The following SYN2 variants were observed in gnomAD, a reference collection of about 807,000 sequenced individuals.
The protein encoded by SYN2 is synapsin II.
A neutral mutation model predicts 50.9 loss-of-function variants in SYN2; 19 were observed. The ratio of observed to expected loss-of-function variants is 0.37; its 90% confidence interval spans 0.26 to 0.55. SYN2 has a LOEUF of 0.55. Ranked by LOEUF, SYN2 falls within the 20% of genes least tolerant of loss-of-function variation. The pLI, the probability that SYN2 is intolerant of heterozygous loss-of-function variation, is 0.81. For missense variants in SYN2, 587 were observed against 576.4 expected (o/e 1.02, Z -0.19); for synonymous variants, 255 against 224.9 (o/e 1.13, Z -1.20).
In SYN2 at chr3:12,183,544, GT is replaced by G; in HGVS notation, c.1369+174del. 2.0e-6 allele frequency: 3 copies of G among 1,532,712 alleles called. No homozygotes were observed. In the Middle Eastern group the frequency reaches 5.4e-4, roughly 278 times the overall value. The allele number at this position is 1,532,712 out of a possible 1,614,324, so 94.9% of individuals were successfully genotyped here. ...ACCCTCCCACTGGTGCCGTTGCTGC[GT>G]TCTTTCAATGCTGACTGGACTGTGT... On this transcript the variant is annotated intron_variant, in intron 11 of 12. Coordinates refer to ENST00000621198, the MANE Select transcript of SYN2 (RefSeq NM_133625.6).
intron 12 of SYN2, among the ~76,000 whole-genome samples, chr3:12,188,725 G>A (rs1296880181): frequency 6.6e-6 from 1 of 152,178 alleles, no homozygotes; most frequent in African/African-American, 2.4e-5. Flanking sequence ...CCCGTGTGAT[G>A]GGAGGGGCAT....
At chr3:12,173,812 G>A (rs1574885698) in intron 10 of SYN2, among the ~76,000 whole-genome samples, 1 of 152,180 alleles carries the variant, frequency 6.6e-6, no homozygotes, top group Admixed American at 6.5e-5. Context: ...TACTTGGGAG[G>A]CCGAGGCAGG....
chr3:12,178,091 C>A (rs529340678), intron 10 of SYN2, among the ~76,000 whole-genome samples: 12 of 152,334 alleles, frequency 7.9e-5, no homozygotes, highest in Admixed American at 4.6e-4. Context: ...CCTACAACCT[C>A]CTGACCACAT....
At chr3:12,182,887 G>A (rs1188514868) in intron 10 of SYN2, among the ~76,000 whole-genome samples, 3 of 152,212 alleles carry the variant, frequency 2.0e-5, no homozygotes, top group Non-Finnish European at 4.4e-5. Flanking sequence ...GTCCAACCCT[G>A]TCTCTGGGGT....
intron 1 of SYN2, among the ~76,000 whole-genome samples, chr3:12,114,906 A>G (rs967893560): frequency 6.6e-6 from 1 of 152,130 alleles, no homozygotes; most frequent in Non-Finnish European, 1.5e-5. Flanking sequence ...TCTATTAACC[A>G]CAACTCCTCT....
At chr3:12,093,163 G>A (rs1434680174) in intron 1 of SYN2, among the ~76,000 whole-genome samples, 1 of 152,152 alleles carries the variant, frequency 6.6e-6, no homozygotes, top group Non-Finnish European at 1.5e-5. Flanking sequence ...CTGAATGGGG[G>A]AGCAAATTAT....
Position 12,109,967 on chromosome 3 carries a change from C to T in SYN2, c.378-30684C>T, listed in dbSNP as rs1308197696. Among the ~76,000 whole-genome samples, 12 of 152,234 alleles carry T rather than the reference C, an allele frequency of 7.9e-5. No individual in the cohort carries two copies. The East Asian group carries it at 1.2e-3, about 15-fold the overall frequency. Reference sequence around the variant, plus strand: ...CTCTCCAAGGCCAAGATGGGAGGATCGCTTGAGCCTGGGAGTTTGAGACCA... The same window carrying T: ...CTCTCCAAGGCCAAGATGGGAGGATTGCTTGAGCCTGGGAGTTTGAGACCA... On this transcript the variant is annotated intron_variant, in intron 1 of 12. Transcript: ENST00000621198.
At chr3:12,023,213 AT>A in intron 1 of SYN2, among the ~76,000 whole-genome samples, 1 of 151,976 alleles carries the variant, frequency 6.6e-6, no homozygotes, top group Non-Finnish European at 1.5e-5. Flanking sequence ...AAAAAAAAAA[AT>A]CATTGTCATC....
At chr3:12,062,179 C>G (rs185658180) in intron 1 of SYN2, among the ~76,000 whole-genome samples, 2 of 152,042 alleles carry the variant, frequency 1.3e-5, no homozygotes, top group East Asian at 3.9e-4. Flanking sequence ...AACAATAGAT[C>G]TATTTCAATC....
At chr3:12,171,635 G>T (rs929982278) in intron 10 of SYN2, among the ~76,000 whole-genome samples, 1 of 152,170 alleles carries the variant, frequency 6.6e-6, no homozygotes, top group Admixed American at 6.5e-5. Context: ...TAAAGTAAAG[G>T]CCGTGCTAAG....
intron 1 of SYN2, among the ~76,000 whole-genome samples, chr3:12,098,845 A>G (rs1696003080): frequency 1.9e-5 from 2 of 104,620 alleles, no homozygotes; most frequent in South Asian, 7.3e-4. Flanking sequence ...CAAATAGGTT[A>G]AAAGCAAAAG....
rs185559226 is a variant in SYN2 at position 12,155,551 on chromosome 3, T to G, written c.774+4225T>G. Among the ~76,000 whole-genome samples, 373 of 152,244 alleles carry G rather than the reference T, an allele frequency of 2.5e-3. 1 individual carries two copies. Among genetic ancestry groups the G allele is most frequent in the Non-Finnish European group, 3.8e-3 (260 of 68,018 alleles). On this transcript the variant is annotated intron_variant, in intron 5 of 12. Coordinates refer to ENST00000621198, the MANE Select transcript of SYN2 (RefSeq NM_133625.6). ...GCAACCACAGGTAGCTGAGTTCAGTTCTTGGGAAAGTGAGGGGCTGGGAAC... is the reference window on the plus strand; with the variant it reads ...GCAACCACAGGTAGCTGAGTTCAGTGCTTGGGAAAGTGAGGGGCTGGGAAC...
intron 1 of SYN2, among the ~76,000 whole-genome samples, chr3:12,119,724 T>TG (rs1696510823): frequency 6.6e-6 from 1 of 152,196 alleles, no homozygotes; most frequent in Non-Finnish European, 1.5e-5. Context: ...AGGAAAGCTT[T>TG]TGGGATCTAT....
At chr3:12,136,341 A>G (rs1273256222) in intron 1 of SYN2, among the ~76,000 whole-genome samples, 1 of 152,232 alleles carries the variant, frequency 6.6e-6, no homozygotes, top group Non-Finnish European at 1.5e-5. Flanking sequence ...AACACTTAGA[A>G]TAGTGCCTAG....
chr3:12,182,495 C>T (rs1698244729), intron 10 of SYN2, among the ~76,000 whole-genome samples: 1 of 152,176 alleles, frequency 6.6e-6, no homozygotes. Context: ...TAATCAGAAT[C>T]ACGGCTGGGA....
chr3:12,009,560 C>G (rs1425464040), intron 1 of SYN2, among the ~76,000 whole-genome samples: 1 of 152,188 alleles, frequency 6.6e-6, no homozygotes, highest in African/African-American at 2.4e-5. Flanking sequence ...GGAACTAAAA[C>G]TCACATCTGA....
At chr3:12,183,013 A>G (rs1330428933) in intron 10 of SYN2, among the ~76,000 whole-genome samples, 2 of 152,244 alleles carry the variant, frequency 1.3e-5, no homozygotes, top group African/African-American at 2.4e-5. Flanking sequence ...AGAGGACGCA[A>G]AGCTTCTAGA....
At chr3:12,182,975 A>G (rs1254273516) in intron 10 of SYN2, among the ~76,000 whole-genome samples, 1 of 152,262 alleles carries the variant, frequency 6.6e-6, no homozygotes, top group Non-Finnish European at 1.5e-5. Context: ...CAGGCATCAG[A>G]AAACCAGAAA....
chr3:12,190,493 G>A lies in SYN2; in HGVS notation c.1617G>A (p.Lys539=), dbSNP rs2124848898. 1.9e-6 allele frequency: 3 copies of A among 1,613,724 alleles called. No individual in the cohort carries two copies. The highest frequency in any genetic ancestry group is 4.5e-5 in the East Asian group (2 of 44,858). Residue 539 remains lysine, a synonymous_variant, in exon 13 of 13, where the codon AAG becomes AAA. Coordinates refer to ENST00000621198, the MANE Select transcript of SYN2 (RefSeq NM_133625.6). ...QKPQPHPQLN[K]SQSLTNAFSF... Reference sequence around the variant, plus strand: ...CTCTCTGGTTTTTATCTTCAAGCAAGTCGCAGTCCCTGACAAATGCCTTCA... The same window carrying A: ...CTCTCTGGTTTTTATCTTCAAGCAAATCGCAGTCCCTGACAAATGCCTTCA...
Sources: allele counts gnomAD v4.1 joint callset (sites outside exome capture counted in the v4.1 genomes callset), GRCh38; gene constraint gnomAD v4.1.1; transcripts MANE v1.5; gene names NCBI Gene and HGNC (gene_info 2026-07-23, HGNC 2026-07-21).